METTL6: variants seen among roughly 807,000 people sequenced by gnomAD.
The protein encoded by METTL6 is methyltransferase 6, tRNA N3-cytidine, also known as tRNA N(3)-cytidine methyltransferase METTL6.
Under a neutral mutation model 26.4 loss-of-function variants are expected in METTL6, and 22 were observed. That is an observed-to-expected ratio of 0.83 (90% CI 0.59 to 1.19). The LOEUF (loss-of-function observed/expected upper bound fraction) is 1.19, where lower values mean the gene tolerates loss of function less well. METTL6 is among the 50% of genes most tolerant of loss of function. The pLI is 0.00. For missense variants in METTL6, 304 were observed against 324.8 expected, an observed-to-expected ratio of 0.94 and a Z score of 0.49; for synonymous variants, 109 against 116.2, an observed-to-expected ratio of 0.94 and a Z score of 0.40.
At chr3:15,411,777 T>C (rs1405515698) in intron 5 of METTL6, among the ~76,000 whole-genome samples, 1 of 152,024 alleles carries the variant, frequency 6.6e-6, no homozygotes, top group Non-Finnish European at 1.5e-5. Flanking sequence ...AAAAAAATTT[T>C]TTTTTGAGAC....
At chr3:15,424,880 T>G (rs529149214) in intron 3 of METTL6, 75 bp downstream of exon 3, 3 of 1,596,586 alleles carry the variant, frequency 1.9e-6, no homozygotes, top group South Asian at 1.1e-5. Flanking sequence ...ATTGGGCAAA[T>G]GAATAAAAAA....
At position 15,400,931 on chromosome 3, in the gene METTL6, A is replaced by G. The variant is rs144840724; in HGVS notation, c.*11+10314T>C. 9.5e-3 allele frequency among the ~76,000 whole-genome samples: 1,447 copies of G among 152,324 alleles called. 17 individuals carry two copies. Among genetic ancestry groups the G allele is most frequent in the African/African-American group, 0.012 (515 of 41,578 alleles). ...TGATGGAGTGCAATGGCTGGATATC[A>G]GCTCACTGCAGCCTCAACCTACCCA... is the stretch of plus-strand genomic sequence containing the variant. On this transcript the variant is annotated intron_variant, in intron 6 of 6. Transcript: ENST00000443029.
chr3:15,414,356 T>G lies in METTL6; in HGVS notation c.532-194A>C, dbSNP rs1378277774. ...CAGGGCTCCATAACACTAAGACACT[T>G]CTTTTTTTTTTTTTTTTGAGATGGA... On this transcript the variant is annotated intron_variant, in intron 4 of 5. Transcript: ENST00000383790. 1.4e-5 allele frequency: 18 copies of G among 1,288,016 alleles called. No individual in the cohort carries two copies. The South Asian group carries it at 3.4e-4, about 24-fold the overall frequency. 79.8% of individuals were successfully genotyped at this position (1,288,016 alleles called of 1,614,324 possible).
Position 15,420,873 on chromosome 3 carries a change from G to A in METTL6, c.360+4082C>T, listed in dbSNP as rs190768303. ...ATATCTATCCACTGAGTTGACAGGT[G>A]GGAAGGGTTCTATGCCAGAATGTTC... is the stretch of plus-strand genomic sequence containing the variant. On this transcript the variant is annotated intron_variant, in intron 3 of 5. Transcript: ENST00000383790. Among the ~76,000 whole-genome samples the A allele has an allele frequency of 9.2e-5, 14 of 152,300 alleles. 1 individual carries two copies. In the South Asian group the frequency reaches 2.7e-3, roughly 29 times the overall value.
chr3:15,406,607 TATATATATATATATATATATATAGAG>T (rs1280539044), downstream of METTL6, among the ~76,000 whole-genome samples: 36 of 73,224 alleles, frequency 4.9e-4, no homozygotes, highest in African/African-American at 1.5e-3. Flanking sequence ...TATATATATA[TATATATATATATATATATATATAGAG>T]AGAGAGAGAG....
Position 15,424,821 on chromosome 3 carries a change from C to A in METTL6, c.360+134G>T, listed in dbSNP as rs111921023. 1.5e-4 allele frequency: 176 copies of A among 1,135,772 alleles called. No homozygotes were observed. The African/African-American group carries it at 1.7e-3, about 11-fold the overall frequency. The allele number at this position is 1,135,772 out of a possible 1,614,324, so 70.4% of individuals were successfully genotyped here. On this transcript the variant is annotated intron_variant, in intron 3 of 5. Transcript: ENST00000383790. ...GCACTGTATATGTATGTAAGCAGGA[C>A]AACTACATGTATGGTGACTATAGCT... is the stretch of plus-strand genomic sequence containing the variant.
At chr3:15,382,062 T>C (rs2094061402) in exon 7 of METTL6, 3 of 151,896 alleles carry the variant, frequency 2.0e-5, no homozygotes, top group Admixed American at 6.6e-5. Flanking sequence ...TTTTTTTTTT[T>C]TTTTAAGAGT....
chr3:15,385,916 A>G (rs1213494801), intron 6 of METTL6, among the ~76,000 whole-genome samples: 3 of 152,218 alleles, frequency 2.0e-5, no homozygotes, highest in Non-Finnish European at 4.4e-5. Context: ...AGGGATCCCA[A>G]TCCAGACCCC....
chr3:15,393,199 A>C (rs1699395792), intron 6 of METTL6, among the ~76,000 whole-genome samples: 1 of 152,166 alleles, frequency 6.6e-6, no homozygotes, highest in Non-Finnish European at 1.5e-5. Context: ...TTCTCCTTGA[A>C]GAGGTCCTTC....
chr3:15,388,921 A>G (rs1699267758), intron 6 of METTL6, among the ~76,000 whole-genome samples: 1 of 152,198 alleles, frequency 6.6e-6, no homozygotes, highest in Non-Finnish European at 1.5e-5. Flanking sequence ...TGGTTCAGTC[A>G]GATCTCTTTC....
chr3:15,389,917 A>G (rs1699299005), intron 6 of METTL6, among the ~76,000 whole-genome samples: 1 of 150,920 alleles, frequency 6.6e-6, no homozygotes, highest in African/African-American at 2.4e-5. Context: ...GAGCAGTGAA[A>G]TTATAGCTCA....
intron 6 of METTL6, among the ~76,000 whole-genome samples, chr3:15,398,120 T>G (rs1699542098): frequency 6.6e-6 from 1 of 151,924 alleles, no homozygotes; most frequent in South Asian, 2.1e-4. Flanking sequence ...TTGATGAGAC[T>G]GATTTGAGTG....
intron 6 of METTL6, among the ~76,000 whole-genome samples, chr3:15,384,956 A>T (rs1172504578): frequency 2.0e-5 from 3 of 152,218 alleles, no homozygotes; most frequent in African/African-American, 7.2e-5. Flanking sequence ...TAAAATGAAC[A>T]CTGAAGTGAG....
intron 6 of METTL6, among the ~76,000 whole-genome samples, chr3:15,391,357 C>T (rs572727163): frequency 5.3e-5 from 8 of 152,028 alleles, no homozygotes; most frequent in Non-Finnish European, 8.8e-5. Context: ...TCAATGGCAG[C>T]GGGGGAGATG....
chr3:15,381,471 T>C (rs1233289049), exon 7 of METTL6: 1 of 151,930 alleles, frequency 6.6e-6, no homozygotes, highest in African/African-American at 2.4e-5. Context: ...TCCAAGGAGG[T>C]GGTGAAACTT....
At chr3:15,403,374 A>G (rs1699700765) in intron 6 of METTL6, among the ~76,000 whole-genome samples, 1 of 152,228 alleles carries the variant, frequency 6.6e-6, no homozygotes, top group African/African-American at 2.4e-5. Flanking sequence ...GCCAGTCCTG[A>G]TATTTTTCTT....
chr3:15,417,250 T>C (rs1017522722), intron 3 of METTL6, among the ~76,000 whole-genome samples: 20 of 151,736 alleles, frequency 1.3e-4, no homozygotes, highest in East Asian at 9.7e-4. Flanking sequence ...AGGTCAGGAG[T>C]TTGAGACCAG....
chr3:15,426,223 G>A (rs1209536282), intron 2 of METTL6, 64 bp downstream of exon 2: 6 of 1,512,526 alleles, frequency 4.0e-6, no homozygotes, highest in Non-Finnish European at 4.5e-6. Context: ...ACAGGCATGA[G>A]CCATGGCACC....
chr3:15,408,648 C>T (rs1195713841), downstream of METTL6, among the ~76,000 whole-genome samples: 4 of 150,274 alleles, frequency 2.7e-5, no homozygotes, highest in African/African-American at 4.9e-5. Flanking sequence ...CTCACTCCAT[C>T]GCTACAGCCT....
Sources: gnomAD v4.1 joint callset for allele counts (sites outside exome capture counted in the v4.1 genomes callset) on GRCh38, gnomAD v4.1.1 for gene constraint, MANE v1.5 for transcripts, NCBI Gene and HGNC (gene_info 2026-07-23, HGNC 2026-07-21) for gene names.